The following PRAMEF15 variants were observed in gnomAD, a reference collection of about 807,000 sequenced individuals.
PRAMEF15 encodes PRAME family member 15, also known as PRAME family member 9/15.
In PRAMEF15, 21 loss-of-function variants were observed where a neutral mutation model predicts 35.3. The observed-to-expected ratio is 0.59, with a 90% CI of 0.42 to 0.86. The LOEUF (loss-of-function observed/expected upper bound fraction) is 0.86, where lower values mean the gene tolerates loss of function less well. PRAMEF15 is among the 40% of genes least tolerant of loss of function. PRAMEF15 has a pLI of 0.00. For synonymous variants in PRAMEF15, 122 were observed against 223.3 expected, an observed-to-expected ratio of 0.55 and a Z score of 4.05; for missense variants, 360 against 574.1, an observed-to-expected ratio of 0.63 and a Z score of 3.81.
At chr1:13,317,511 T>A (rs1410573807) in intron 1 of PRAMEF15, among the ~76,000 whole-genome samples, 2 of 152,128 alleles carry the variant, frequency 1.3e-5, no homozygotes, top group African/African-American at 4.8e-5. Context: ...CTCACACCTA[T>A]AATCCCAGTA....
chr1:13,317,696 G>C (rs1471036806), intron 1 of PRAMEF15, among the ~76,000 whole-genome samples: 1 of 151,602 alleles, frequency 6.6e-6, no homozygotes, highest in African/African-American at 2.4e-5. Context: ...AGAATCCTTT[G>C]AGCTGGGAGG....
chr1:13,318,253 C>G (rs1319262880), intron 1 of PRAMEF15, 139 bp from the exon 2 acceptor site: 30 of 1,454,428 alleles, frequency 2.1e-5, no homozygotes, highest in Non-Finnish European at 2.8e-5. Flanking sequence ...TTAATGGCCA[C>G]TGAGTACAGA....
chr1:13,320,680 T>C (rs1459116521), intron 3 of PRAMEF15, among the ~76,000 whole-genome samples: 3 of 152,036 alleles, frequency 2.0e-5, no homozygotes, highest in Non-Finnish European at 4.4e-5. Flanking sequence ...CACCATGGAC[T>C]CCCAAAGTGC....
intron 1 of PRAMEF15, among the ~76,000 whole-genome samples, chr1:13,316,725 A>G (rs1384814406): frequency 6.6e-6 from 1 of 151,948 alleles, no homozygotes; most frequent in Non-Finnish European, 1.5e-5. Flanking sequence ...GTGTTTTCTT[A>G]GGGACTGTCA....
chr1:13,319,208 A>C (rs900302833), intron 2 of PRAMEF15, among the ~76,000 whole-genome samples, 164 bp from the exon 3 acceptor site: 4 of 150,774 alleles, frequency 2.7e-5, no homozygotes, highest in Admixed American at 2.0e-4. Flanking sequence ...AAAAAAAAAA[A>C]CAAAACAATG....
At chr1:13,320,092 G>C in intron 3 of PRAMEF15, 139 bp downstream of exon 3, 1 of 1,556,860 alleles carries the variant, frequency 6.4e-7, no homozygotes, top group Non-Finnish European at 8.7e-7. Flanking sequence ...TTGTCCTGTT[G>C]GTGGCCCTGT....
chr1:13,322,121 A>G lies in PRAMEF15; in HGVS notation c.1294A>G (p.Arg432Gly). The G allele has an allele frequency of 1.2e-6, 2 of 1,609,360 alleles. No homozygotes were observed. Among genetic ancestry groups the G allele is most frequent in the South Asian group, 2.2e-5 (2 of 90,692 alleles). The stretch of plus-strand genomic sequence containing the variant: ...TGCTGATGGTACTCTCTGCTGGAGC[A>G]GATTTGCTCAAATTAGGGCTGAGCT... ...YGADGTLCWS[R>G]FAQIRAELMN... Residue 432 changes from arginine (R) to glycine (G), a missense_variant, in exon 4 of 4, where the codon AGA becomes GGA. By Grantham distance (125) the Arg-to-Gly change is moderately radical (BLOSUM62 -2). This residue lies in a region of PRAMEF15 where 147 missense variants were observed against 123.5 expected (regional missense o/e 1.19). Transcript: ENST00000376152.
At position 13,317,888 on chromosome 1, in the gene PRAMEF15, G is replaced by C. The variant is rs1463049759; in HGVS notation, c.-16-504G>C. ...GAGGGGGAAAGAAAGAAAGAAGGGA[G>C]GGAGAGAGGGAAAGAAGGAAAGAAG... On this transcript the variant is annotated intron_variant, in intron 1 of 3. Transcript: ENST00000376152. 2.7e-5 allele frequency among the ~76,000 whole-genome samples: 4 copies of C among 150,736 alleles called. No individual in the cohort carries two copies. The South Asian group carries it at 6.3e-4, about 24-fold the overall frequency.
chr1:13,320,526 C>G (rs1414965427), intron 3 of PRAMEF15, among the ~76,000 whole-genome samples: 4 of 152,000 alleles, frequency 2.6e-5, no homozygotes, highest in African/African-American at 9.7e-5. Context: ...CAGGTTCATG[C>G]GATTCTCCTG....
chr1:13,318,238 C>A (rs1395025628), intron 1 of PRAMEF15, among the ~76,000 whole-genome samples, 154 bp from the exon 2 acceptor site: 2 of 152,268 alleles, frequency 1.3e-5, no homozygotes, highest in South Asian at 4.1e-4. Context: ...AGGCAGAATG[C>A]TGGCTTAATG....
At chr1:13,320,735 T>G (rs1553166596) in intron 3 of PRAMEF15, among the ~76,000 whole-genome samples, 24,773 of 151,850 alleles carry the variant, frequency 0.16, 2,694 homozygotes, top group Non-Finnish European at 0.25. Flanking sequence ...ACAAGATAAT[T>G]TTTAAGAAGA....
At chr1:13,320,692 G>T (rs1317035347) in intron 3 of PRAMEF15, among the ~76,000 whole-genome samples, 2 of 152,052 alleles carry the variant, frequency 1.3e-5, no homozygotes, top group South Asian at 2.1e-4. Flanking sequence ...CCAAAGTGCT[G>T]GGATTATAGG....
At position 13,320,310 on chromosome 1, in the gene PRAMEF15, T is replaced by G. The variant is rs1321066499; in HGVS notation, c.875+357T>G. 2.8e-3 allele frequency among the ~76,000 whole-genome samples: 418 copies of G among 151,012 alleles called. 4 individuals are homozygous for G. Among genetic ancestry groups the G allele is most frequent in the Middle Eastern group, 0.02 (6 of 294 alleles). ...GCGGTGGCTCATGCCTGTAATCCTA[T>G]CACTTTGGGAGTCTGAGGCAAGAGG... On this transcript the variant is annotated intron_variant, in intron 3 of 3. Coordinates refer to ENST00000376152, the MANE Select transcript of PRAMEF15 (RefSeq NM_001098376.3).
rs1419788301 is a variant in PRAMEF15 at position 13,316,068 on chromosome 1, C to A, written c.-17+410C>A. ...AGACTGGAGTGCAGTGGCACGATCT[C>A]AACTCCCTGCAACCTTTACTTCCCG... On this transcript the variant is annotated intron_variant, in intron 1 of 3. Transcript: ENST00000376152. 3.2e-4 allele frequency among the ~76,000 whole-genome samples: 49 copies of A among 151,160 alleles called. 2 individuals carry two copies. The highest frequency in any genetic ancestry group is 5.8e-4 in the Non-Finnish European group (39 of 67,670).
chr1:13,320,582 C>T (rs1640071171), intron 3 of PRAMEF15, among the ~76,000 whole-genome samples: 1 of 152,012 alleles, frequency 6.6e-6, no homozygotes, highest in African/African-American at 2.4e-5. Context: ...AGCCACCACA[C>T]CTGGCTAATT....
Position 13,318,704 on chromosome 1 carries a change from A to T in PRAMEF15, c.293+4A>T. On this transcript the variant is annotated splice_donor_region_variant and intron_variant, in intron 2 of 3. Transcript: ENST00000376152. ...TTACCCAAGGGGTTCGTCCCAGGTG[A>T]GGTGGCCCAGGTGGGCTGGTGGGGA... is the stretch of plus-strand genomic sequence containing the variant. 1.2e-6 allele frequency: 2 copies of T among 1,613,424 alleles called. No homozygotes were observed. The highest frequency in any genetic ancestry group is 1.1e-5 in the South Asian group (1 of 91,044).
intron 1 of PRAMEF15, among the ~76,000 whole-genome samples, chr1:13,317,376 G>A (rs1300600602): frequency 2.0e-5 from 3 of 151,718 alleles, no homozygotes; most frequent in African/African-American, 7.3e-5. Flanking sequence ...AGCCAAAATG[G>A]TTCAGTTTGA....
chr1:13,318,372 C>T lies in PRAMEF15; in HGVS notation c.-16-20C>T, dbSNP rs1474287289. 17 of 1,583,208 alleles carry T rather than the reference C, an allele frequency of 1.1e-5. No homozygotes were observed. Among genetic ancestry groups the T allele is most frequent in the Admixed American group, 3.6e-5 (2 of 55,778 alleles). ...TTGGCCTGAGAGTGATGCCTCTTCT[C>T]TGGGTTTGTCCTCTGGAAGTTTTCC... is the stretch of plus-strand genomic sequence containing the variant. On this transcript the variant is annotated intron_variant, in intron 1 of 3. Coordinates refer to ENST00000376152, the MANE Select transcript of PRAMEF15 (RefSeq NM_001098376.3).
rs1640033928 is a variant in PRAMEF15 at position 13,318,397 on chromosome 1, C to G, written c.-11C>G. On this transcript the variant is annotated 5_prime_UTR_variant, in exon 2 of 4. Coordinates refer to ENST00000376152, the MANE Select transcript of PRAMEF15 (RefSeq NM_001098376.3). ...CTGGGTTTGTCCTCTGGAAGTTTTC[C>G]CTGCAGATTCATGAAGATGAGCATC... 6.2e-7 allele frequency: 1 copy of G among 1,611,834 alleles called. No individual in the cohort carries two copies. Among genetic ancestry groups the G allele is most frequent in the South Asian group, 1.1e-5 (1 of 90,960 alleles).
Sources: gnomAD v4.1 joint callset for allele counts (sites outside exome capture counted in the v4.1 genomes callset) on GRCh38, gnomAD v4.1.1 for gene constraint, gnomAD v4.1.1 regional missense constraint, MANE v1.5 for transcripts, NCBI Gene and HGNC (gene_info 2026-07-23, HGNC 2026-07-21) for gene names.